Variants in SCN1A observed in about 807,000 individuals in gnomAD.
SCN1A encodes the protein sodium channel protein type 1 subunit alpha.
In SCN1A, 13 loss-of-function variants were observed where a neutral mutation model predicts 193.7. The observed-to-expected ratio is 0.07, with a 90% CI of 0.04 to 0.11. The LOEUF is 0.11. Ranked by LOEUF, SCN1A falls within the 10% of genes least tolerant of loss-of-function variation. SCN1A has a pLI of 1.00. For synonymous variants in SCN1A, 781 were observed against 843.6 expected (o/e 0.93, Z 1.29); for missense variants, 1,432 against 2,451.1 (o/e 0.58, Z 8.78).
At chr2:166,088,343 A>AT (rs1686376465) in intron 2 of SCN1A, among the ~76,000 whole-genome samples, 1 of 149,250 alleles carries the variant, frequency 6.7e-6, no homozygotes, top group African/African-American at 2.5e-5. Context: ...CCATCTAACC[A>AT]TTTTTGTGGT....
chr2:166,045,597 G>T (rs1156918032), intron 12 of SCN1A, among the ~76,000 whole-genome samples: 1 of 152,014 alleles, frequency 6.6e-6, no homozygotes, highest in Non-Finnish European at 1.5e-5. Flanking sequence ...TATCCAACAT[G>T]TATCAACAAG....
intron 1 of SCN1A, chr2:166,134,011 G>A (rs544760954): frequency 1.6e-4 from 24 of 152,280 alleles, no homozygotes; most frequent in African/African-American, 5.5e-4. Context: ...AACATCTGCT[G>A]AGTATTGATG....
Position 165,991,365 on chromosome 2 carries a change from TG to T in SCN1A, c.5909del (p.Thr1970LysfsTer6). ...TGGACATGGTCAGATCAGTTTTTTC[TG>T]TAATAGAGTTTTCATTTATTCTGTC... ...IIDRINENSI[T>X]EKTDLTMSTA... is the part of the protein sequence containing the mutation. On this transcript the variant is annotated frameshift_variant, in exon 29 of 29. Transcript: ENST00000674923. LOFTEE classifies it high-confidence loss of function. 1 of 1,613,268 alleles carries T rather than the reference TG, an allele frequency of 6.2e-7. No individual in the cohort carries two copies. Among genetic ancestry groups the T allele is most frequent in the Non-Finnish European group, 8.5e-7 (1 of 1,179,744 alleles).
intron 27 of SCN1A, 34 bp downstream of exon 27, chr2:165,995,979 G>C: frequency 1.4e-6 from 2 of 1,387,564 alleles, no homozygotes; most frequent in Non-Finnish European, 2.0e-6. Context: ...TTTTGTTTTT[G>C]TATTTTTCCC....
chr2:166,065,459 A>G (rs1683739534), intron 4 of SCN1A, among the ~76,000 whole-genome samples: 1 of 152,146 alleles, frequency 6.6e-6, no homozygotes, highest in Non-Finnish European at 1.5e-5. Context: ...AGGACTTTAA[A>G]TGGTCTCACC....
At chr2:166,100,670 A>T (rs1171097671) in intron 2 of SCN1A, among the ~76,000 whole-genome samples, 1 of 146,996 alleles carries the variant, frequency 6.8e-6, no homozygotes, top group Non-Finnish European at 1.5e-5. Flanking sequence ...TTACAAGAAA[A>T]AAACAACCCC....
chr2:165,993,858 C>A, intron 28 of SCN1A: 1 of 475,774 alleles, frequency 2.1e-6, no homozygotes, highest in Admixed American at 3.6e-5. Context: ...TCTTCAATCT[C>A]AACATGTCAA....
chr2:166,015,314 C>A (rs1435091760), intron 20 of SCN1A, among the ~76,000 whole-genome samples: 1 of 151,828 alleles, frequency 6.6e-6, no homozygotes. Flanking sequence ...TCAGTAGTGT[C>A]TAAGATGCCA....
At chr2:166,034,957 A>G (rs758520663) in intron 19 of SCN1A, among the ~76,000 whole-genome samples, 3 of 152,166 alleles carry the variant, frequency 2.0e-5, no homozygotes, top group Admixed American at 6.5e-5. Flanking sequence ...TGGACTTTCC[A>G]GTTTCTGGAC....
rs1692181521 is a variant in SCN1A, at chr2:166,143,466, A to C, written c.-50+5581T>G. ...CAGGCATGAGCCACTGCGCCTGGCC[A>C]GAACTCAGCATTTTTATCAAACAAA... On this transcript the variant is annotated intron_variant, in intron 1 of 26. Coordinates refer to the SCN1A transcript ENST00000635750. 2.0e-5 allele frequency among the ~76,000 whole-genome samples: 3 copies of C among 152,214 alleles called. No individual in the cohort carries two copies. The South Asian group carries it at 6.2e-4, about 32-fold the overall frequency.
intron 1 of SCN1A, among the ~76,000 whole-genome samples, chr2:166,138,155 CAG>C (rs1426672404): frequency 2.0e-5 from 3 of 152,132 alleles, no homozygotes; most frequent in African/African-American, 4.8e-5. Flanking sequence ...AAAAGGGAAA[CAG>C]AGCATAAAAG....
intron 19 of SCN1A, among the ~76,000 whole-genome samples, chr2:166,035,040 A>T (rs1183889905): frequency 6.6e-6 from 1 of 152,186 alleles, no homozygotes; most frequent in Non-Finnish European, 1.5e-5. Context: ...AAACAGGCTA[A>T]TGCATAGGGC....
At chr2:166,014,642 C>T (rs918898718) in intron 20 of SCN1A, among the ~76,000 whole-genome samples, 1 of 67,372 alleles carries the variant, frequency 1.5e-5, no homozygotes, top group Non-Finnish European at 3.4e-5. Flanking sequence ...TGCTCCAAGG[C>T]AAAAAAAAAA....
chr2:166,073,540 G>A lies in SCN1A; in HGVS notation c.82C>T (p.Arg28Cys), dbSNP rs754032480. 2.8e-5 allele frequency: 45 copies of A among 1,613,964 alleles called. No homozygotes were observed. Among genetic ancestry groups the A allele is most frequent in the East Asian group, 6.7e-5 (3 of 44,886 alleles). Residue 28 changes from arginine (R) to cysteine (C), a missense_variant, in exon 4 of 29, where the codon CGC becomes TGC. Arg to Cys is a radical substitution (Grantham distance 180). Transcript: ENST00000674923. ...TRESLAAIERRIAEEKAKNPK... is the reference protein window; with the variant it reads ...TRESLAAIERCIAEEKAKNPK... Reference sequence around the variant, plus strand: ...TTCTTTGCCTTTTCTTCTGCAATGCGTCTTTCAATAGCCGCAAGAGATTCT... The same window carrying A: ...TTCTTTGCCTTTTCTTCTGCAATGCATCTTTCAATAGCCGCAAGAGATTCT...
intron 4 of SCN1A, among the ~76,000 whole-genome samples, chr2:166,069,167 T>C (rs1386220586): frequency 1.3e-5 from 2 of 152,192 alleles, no homozygotes; most frequent in South Asian, 2.1e-4. Flanking sequence ...TCTGGAATCA[T>C]GTTCTAAAGA....
intron 1 of SCN1A, among the ~76,000 whole-genome samples, chr2:166,142,249 G>T (rs1043210061): frequency 1.3e-5 from 2 of 152,162 alleles, no homozygotes; most frequent in Non-Finnish European, 2.9e-5. Context: ...GTGTTGAGAA[G>T]ATAAAACCAA....
chr2:166,141,024 A>G (rs1215373062), intron 1 of SCN1A, among the ~76,000 whole-genome samples: 1 of 152,096 alleles, frequency 6.6e-6, no homozygotes, highest in Non-Finnish European at 1.5e-5. Context: ...GGTGTTTGAG[A>G]AGCCCTGGCT....
intron 22 of SCN1A, among the ~76,000 whole-genome samples, chr2:166,010,766 T>G (rs1692336181): frequency 6.6e-6 from 1 of 151,126 alleles, no homozygotes; most frequent in Admixed American, 6.6e-5. Flanking sequence ...ATTTGAGATG[T>G]GCTGTAATTA....
At chr2:166,024,418 T>C (rs1488775213) in intron 19 of SCN1A, among the ~76,000 whole-genome samples, 1 of 152,220 alleles carries the variant, frequency 6.6e-6, no homozygotes, top group East Asian at 1.9e-4. Context: ...TACCATGTTC[T>C]GAGATTTGTG....
Sources: gnomAD v4.1 joint callset for allele counts (sites outside exome capture counted in the v4.1 genomes callset) on GRCh38, gnomAD v4.1.1 for gene constraint, MANE v1.5 for transcripts, NCBI Gene and HGNC (gene_info 2026-07-23, HGNC 2026-07-21) for gene names.